The following TUT4 variants were observed in gnomAD, a reference collection of about 807,000 sequenced individuals.
TUT4 encodes the protein terminal uridylyltransferase 4.
In TUT4, 36 loss-of-function variants were observed where a neutral mutation model predicts 192.2. That is an observed-to-expected ratio of 0.19 (90% confidence interval 0.14 to 0.25). The LOEUF is 0.25. TUT4 is among the 10% of genes least tolerant of loss of function. The probability of loss-of-function intolerance (pLI) is 1.00; values close to 1 mark genes in which losing one functional copy is unlikely to be tolerated. For synonymous variants in TUT4, 618 were observed against 666.0 expected (o/e 0.93, Z 1.11); for missense variants, 1,493 against 1,957.2 (o/e 0.76, Z 4.47).
At chr1:52,510,812 C>T (rs545644606) in intron 3 of TUT4, among the ~76,000 whole-genome samples, 1 of 152,252 alleles carries the variant, frequency 6.6e-6, no homozygotes, top group Non-Finnish European at 1.5e-5. Flanking sequence ...GCACCTTTTA[C>T]AAGGATATAG....
At chr1:52,543,626 G>T (rs903971579) in intron 1 of TUT4, among the ~76,000 whole-genome samples, 2 of 151,880 alleles carry the variant, frequency 1.3e-5, no homozygotes, top group African/African-American at 4.8e-5. Flanking sequence ...TGGGATTACA[G>T]GTACCTGCCA....
chr1:52,473,501 A>G (rs991981707), intron 13 of TUT4, among the ~76,000 whole-genome samples: 1 of 152,224 alleles, frequency 6.6e-6, no homozygotes, highest in Admixed American at 6.5e-5. Flanking sequence ...TGACAGTGAT[A>G]ATAATATATA....
intron 16 of TUT4, chr1:52,462,604 G>A: frequency 2.3e-6 from 1 of 437,398 alleles, no homozygotes; most frequent in Non-Finnish European, 3.0e-6. Flanking sequence ...CTGCAGAGCT[G>A]TTGGGAGGAT....
chr1:52,473,702 G>GT (rs964754836), intron 13 of TUT4, among the ~76,000 whole-genome samples: 31 of 150,020 alleles, frequency 2.1e-4, no homozygotes, highest in Middle Eastern at 3.4e-3. Context: ...CTTTCCTTTT[G>GT]TTTTTTTTTA....
Position 52,436,792 on chromosome 1 carries a change from C to A in TUT4, c.4125G>T (p.Glu1375Asp). ...DAGHVRRECPEVKLARQRNSS... is the reference protein window; with the variant it reads ...DAGHVRRECPDVKLARQRNSS... Reference sequence around the variant, plus strand: ...TATTCCTCTGACGGGCCAGCTTGACCTCTGGGCACTCCCTTCGTACATGTC... The same window carrying A: ...TATTCCTCTGACGGGCCAGCTTGACATCTGGGCACTCCCTTCGTACATGTC... The change falls in exon 26 of 30, where the codon GAG (glutamate) becomes GAT (aspartate). Residue 1375 changes from glutamate to aspartate, a missense_variant. Glu to Asp is a conservative substitution (Grantham distance 45). Coordinates refer to ENST00000257177, the MANE Select transcript of TUT4 (RefSeq NM_001009881.3). The A allele has an allele frequency of 6.2e-7, 1 of 1,613,788 alleles. No individual in the cohort carries two copies. The highest frequency in any genetic ancestry group is 8.5e-7 in the Non-Finnish European group (1 of 1,180,014).
chr1:52,497,678 A>G (rs908704920), intron 4 of TUT4, among the ~76,000 whole-genome samples: 1 of 152,254 alleles, frequency 6.6e-6, no homozygotes, highest in Admixed American at 6.5e-5. Flanking sequence ...CTATTCTGCT[A>G]AAAGTTTTAA....
intron 9 of TUT4, among the ~76,000 whole-genome samples, chr1:52,485,753 T>C (rs1669634083): frequency 6.6e-6 from 1 of 152,090 alleles, no homozygotes; most frequent in Non-Finnish European, 1.5e-5. Context: ...TCTTATAATC[T>C]TGAAGTAAAT....
chr1:52,464,969 A>G, intron 16 of TUT4, 101 bp downstream of exon 16: 1 of 878,914 alleles, frequency 1.1e-6, no homozygotes, highest in South Asian at 2.1e-5. Flanking sequence ...TATTTATACA[A>G]AGAGTGATAC....
chr1:52,464,961 T>A, intron 16 of TUT4, 109 bp downstream of exon 16: 1 of 784,862 alleles, frequency 1.3e-6, no homozygotes. Flanking sequence ...TGCTAATATA[T>A]TTATACAAAG....
intron 28 of TUT4, among the ~76,000 whole-genome samples, chr1:52,426,616 A>C (rs554637440): frequency 8.5e-5 from 13 of 152,348 alleles, no homozygotes; most frequent in Non-Finnish European, 1.9e-4. Flanking sequence ...CTTCTCAGAA[A>C]GTAAGCAAAC....
intron 3 of TUT4, among the ~76,000 whole-genome samples, chr1:52,510,615 T>A (rs1012277254): frequency 1.3e-5 from 2 of 152,198 alleles, no homozygotes; most frequent in African/African-American, 4.8e-5. Flanking sequence ...TCACAGAACG[T>A]CACTCATACT....
intron 18 of TUT4, 69 bp from the exon 19 acceptor site, chr1:52,461,292 A>C: frequency 7.1e-7 from 1 of 1,408,744 alleles, no homozygotes; most frequent in South Asian, 1.3e-5. Context: ...CAGATTTAAA[A>C]GTAAAATACA....
intron 3 of TUT4, among the ~76,000 whole-genome samples, chr1:52,511,738 T>C (rs989860521): frequency 6.6e-6 from 1 of 152,134 alleles, no homozygotes; most frequent in African/African-American, 2.4e-5. Context: ...AGAGAGCTAA[T>C]AGGGGACAGA....
chr1:52,447,449 A>C (rs1657860197), intron 20 of TUT4, among the ~76,000 whole-genome samples: 1 of 147,546 alleles, frequency 6.8e-6, no homozygotes, highest in African/African-American at 2.6e-5. Flanking sequence ...ACTCCATCTC[A>C]CCAAAAAAAA....
intron 16 of TUT4, chr1:52,462,750 C>T: frequency 1.0e-6 from 1 of 984,952 alleles, no homozygotes; most frequent in East Asian, 1.1e-4. Flanking sequence ...CCTATTTCTC[C>T]AAGGAAATTC....
intron 9 of TUT4, among the ~76,000 whole-genome samples, chr1:52,486,096 A>C (rs1669720309): frequency 6.6e-6 from 1 of 152,200 alleles, no homozygotes; most frequent in African/African-American, 2.4e-5. Context: ...CTGCCTAATG[A>C]ATAAGTCAAC....
intron 15 of TUT4, among the ~76,000 whole-genome samples, chr1:52,466,645 C>CA (rs71579929): frequency 0.099 from 11,683 of 117,886 alleles, 822 homozygotes; most frequent in African/African-American, 0.2. Context: ...TATCCTATTT[C>CA]AAAAAAAAAA....
At position 52,551,699 on chromosome 1, in the gene TUT4, T is replaced by C. The variant is rs116795986; in HGVS notation, c.-94+1232A>G. Among the ~76,000 whole-genome samples the C allele has an allele frequency of 4.4e-3, 638 of 143,902 alleles. 5 individuals carry two copies. Among genetic ancestry groups the C allele is most frequent in the African/African-American group, 0.017 (595 of 34,428 alleles). 94.4% of individuals were successfully genotyped at this position (143,902 alleles called of 152,430 possible). On this transcript the variant is annotated intron_variant, in intron 1 of 29. Transcript: ENST00000257177. ...GCGCTCGCGCGCGCACACACACACA[T>C]ACACACACACACACAAAGTCGGCTT...
intron 1 of TUT4, among the ~76,000 whole-genome samples, chr1:52,546,220 G>A (rs1458095886): frequency 6.6e-6 from 1 of 152,094 alleles, no homozygotes; most frequent in Non-Finnish European, 1.5e-5. Flanking sequence ...CAAAAAAATT[G>A]AAAGCAGGCT....
Sources: allele counts gnomAD v4.1 joint callset (sites outside exome capture counted in the v4.1 genomes callset), GRCh38; gene constraint gnomAD v4.1.1; transcripts MANE v1.5; gene names NCBI Gene and HGNC (gene_info 2026-07-23, HGNC 2026-07-21).